Variants in IGF2R observed in about 807,000 individuals in gnomAD.
The protein encoded by IGF2R is insulin like growth factor 2 receptor.
IGF2R carries 91 observed loss-of-function variants against 270.6 expected under a neutral mutation model. The observed-to-expected ratio is 0.34, with a 90% CI of 0.28 to 0.40. IGF2R has a LOEUF of 0.40. Among genes scored for constraint, IGF2R ranks in the 10% least tolerant of loss-of-function variants. The pLI is 1.00. For missense variants in IGF2R, 2,805 were observed against 3,188.3 expected, an observed-to-expected ratio of 0.88 and a Z score of 2.90; for synonymous variants, 1,316 against 1,258.9, an observed-to-expected ratio of 1.05 and a Z score of -0.96.
intron 20 of IGF2R, among the ~76,000 whole-genome samples, chr6:160,056,767 T>C (rs771339854): frequency 8.5e-5 from 13 of 152,230 alleles, no homozygotes; most frequent in Non-Finnish European, 1.3e-4. Context: ...CTTCCTTTTG[T>C]TTCCATTCCT....
chr6:160,093,520 G>A (rs1665180564), intron 44 of IGF2R: 4 of 593,328 alleles, frequency 6.7e-6, no homozygotes, highest in Admixed American at 2.4e-5. Context: ...CTGTACAGCC[G>A]GTTCAGCAAC....
intron 2 of IGF2R, among the ~76,000 whole-genome samples, chr6:159,999,220 C>G (rs544270475): frequency 1.1e-4 from 17 of 152,146 alleles, no homozygotes; most frequent in African/African-American, 4.1e-4. Context: ...ATGTGTAGGA[C>G]AATTGAAGTA....
chr6:159,977,711 G>A (rs1484870532), intron 1 of IGF2R, among the ~76,000 whole-genome samples: 1 of 152,166 alleles, frequency 6.6e-6, no homozygotes, highest in Non-Finnish European at 1.5e-5. Context: ...ACTTTCCTGG[G>A]CTTGAATCCA....
intron 22 of IGF2R, among the ~76,000 whole-genome samples, chr6:160,059,705 G>T (rs1778393289): frequency 6.6e-6 from 1 of 152,210 alleles, no homozygotes; most frequent in South Asian, 2.1e-4. Flanking sequence ...GCCCGTGGGG[G>T]CTCTCTGAGA....
chr6:160,065,401 T>C (rs1025358598), intron 29 of IGF2R, among the ~76,000 whole-genome samples: 1 of 152,190 alleles, frequency 6.6e-6, no homozygotes, highest in African/African-American at 2.4e-5. Flanking sequence ...CTGTTGACTT[T>C]CCTGGGGGAA....
At chr6:160,022,099 A>G (rs1444786696) in intron 4 of IGF2R, among the ~76,000 whole-genome samples, 1 of 152,136 alleles carries the variant, frequency 6.6e-6, no homozygotes, top group African/African-American at 2.4e-5. Context: ...GTTTTGGAGT[A>G]ATATTGGTGG....
intron 4 of IGF2R, among the ~76,000 whole-genome samples, chr6:160,017,859 G>T (rs144214155): frequency 6.6e-6 from 1 of 152,084 alleles, no homozygotes; most frequent in African/African-American, 2.4e-5. Context: ...GCCCAAAGGA[G>T]GTCTATACAG....
chr6:160,101,568 G>A (rs1177828156), intron 45 of IGF2R, among the ~76,000 whole-genome samples: 1 of 152,266 alleles, frequency 6.6e-6, no homozygotes. Context: ...CTCAACCTCA[G>A]TTCTTTGAGC....
In IGF2R at chr6:160,075,955, A is replaced by C; in HGVS notation, c.5275A>C (p.Thr1759Pro). The change falls in exon 36 of 48, where the codon ACC becomes CCC. Residue 1759 changes from threonine (T) to proline (P), a missense_variant. Thr to Pro is a conservative substitution (Grantham distance 38). Coordinates refer to ENST00000356956, the MANE Select transcript of IGF2R (RefSeq NM_000876.4). ...CTTAGCGGACAAGCATTTCAACTAC[A>C]CCTCGCTCATCGCGTTTCACTGTAA... ...PCLADKHFNY[T>P]SLIAFHCKRG... The C allele has an allele frequency of 6.2e-7, 1 of 1,614,126 alleles. No homozygotes were observed. The highest frequency in any genetic ancestry group is 1.1e-5 in the South Asian group (1 of 91,082).
intron 7 of IGF2R, among the ~76,000 whole-genome samples, chr6:160,031,405 C>T (rs1361519989): frequency 6.6e-6 from 1 of 151,780 alleles, no homozygotes; most frequent in African/African-American, 2.4e-5. Context: ...TAGAACTGTG[C>T]AACCATCATC....
chr6:160,048,599 G>T (rs1444799162), intron 18 of IGF2R, 56 bp downstream of exon 18: 2 of 1,551,094 alleles, frequency 1.3e-6, no homozygotes. Flanking sequence ...TGACTTAGTG[G>T]GAGGAGGTGG....
intron 18 of IGF2R, 138 bp downstream of exon 18, chr6:160,048,681 C>G (rs1275365080): frequency 2.7e-6 from 2 of 753,990 alleles, no homozygotes; most frequent in African/African-American, 3.5e-5. Flanking sequence ...AGTGGGGCCT[C>G]CATGTGAACT....
chr6:160,075,634 T>A (rs773819104), intron 35 of IGF2R, among the ~76,000 whole-genome samples: 5 of 152,192 alleles, frequency 3.3e-5, no homozygotes, highest in Non-Finnish European at 7.3e-5. Context: ...GAACTAACGT[T>A]AGGATCAAAA....
intron 45 of IGF2R, 52 bp downstream of exon 45, chr6:160,096,677 G>T (rs775328491): frequency 6.6e-5 from 93 of 1,417,410 alleles, no homozygotes; most frequent in Non-Finnish European, 8.8e-5. Flanking sequence ...CTTCCCTTAA[G>T]AATAAGTGTA....
At chr6:160,061,233 A>G (rs1778432456) in intron 23 of IGF2R, among the ~76,000 whole-genome samples, 1 of 151,418 alleles carries the variant, frequency 6.6e-6, no homozygotes, top group African/African-American at 2.4e-5. Flanking sequence ...CTGGCCTTGA[A>G]CTCCTGGTCC....
Position 160,072,786 on chromosome 6 carries a change from CCTT to C in IGF2R, c.4593_4595del (p.Leu1532del), listed in dbSNP as rs1778771688. ...ACAGGACACCTGTTTGATCTGAGCT[CCTT>C]AAGTGGCAGGGCGGGATTCACAGCT... On this transcript the variant is annotated inframe_deletion, in exon 33 of 48. Coordinates refer to ENST00000356956, the MANE Select transcript of IGF2R (RefSeq NM_000876.4). The C allele has an allele frequency of 6.2e-7, 1 of 1,614,200 alleles. No homozygotes were observed. Among genetic ancestry groups the C allele is most frequent in the Non-Finnish European group, 8.5e-7 (1 of 1,180,028 alleles).
chr6:159,976,615 C>T (rs990433496), intron 1 of IGF2R, among the ~76,000 whole-genome samples: 4 of 152,036 alleles, frequency 2.6e-5, no homozygotes, highest in Middle Eastern at 3.4e-3. Context: ...TTTCTTTCTT[C>T]GGAGTACCAT....
At chr6:160,033,913 A>C (rs1777755090) in intron 9 of IGF2R, among the ~76,000 whole-genome samples, 2 of 152,228 alleles carry the variant, frequency 1.3e-5, no homozygotes, top group Non-Finnish European at 2.9e-5. Flanking sequence ...AGGGGCAGTT[A>C]CGATTCAAAA....
chr6:159,971,953 G>C (rs1783615657), intron 1 of IGF2R, among the ~76,000 whole-genome samples: 1 of 152,110 alleles, frequency 6.6e-6, no homozygotes, highest in Non-Finnish European at 1.5e-5. Flanking sequence ...CACCATGCTG[G>C]GTTTATGTTC....
Sources: allele counts gnomAD v4.1 joint callset (sites outside exome capture counted in the v4.1 genomes callset), GRCh38; gene constraint gnomAD v4.1.1; transcripts MANE v1.5; gene names NCBI Gene and HGNC (gene_info 2026-07-23, HGNC 2026-07-21).